The following SPRED1 variants were observed in gnomAD, a reference collection of about 807,000 sequenced individuals.
SPRED1 encodes the protein sprouty-related, EVH1 domain-containing protein 1.
Under a neutral mutation model 52.3 loss-of-function variants are expected in SPRED1, and 18 were observed. The ratio of observed to expected loss-of-function variants is 0.34; its 90% CI spans 0.24 to 0.51. SPRED1 has a LOEUF of 0.51. Ranked by LOEUF, SPRED1 falls within the 20% of genes least tolerant of loss-of-function variation. The pLI, the probability that SPRED1 is intolerant of heterozygous loss-of-function variation, is 0.97. For synonymous variants in SPRED1, 155 were observed against 179.7 expected (o/e 0.86, Z 1.10); for missense variants, 485 against 551.0 (o/e 0.88, Z 1.20).
intron 3 of SPRED1, among the ~76,000 whole-genome samples, chr15:38,324,014 C>G (rs1216498914): frequency 1.3e-5 from 2 of 151,608 alleles, no homozygotes; most frequent in Non-Finnish European, 3.0e-5. Flanking sequence ...CATTAGCTAG[C>G]ATTATTATCA....
chr15:38,333,106 A>G (rs949653201), intron 4 of SPRED1, among the ~76,000 whole-genome samples: 11 of 152,178 alleles, frequency 7.2e-5, no homozygotes, highest in Non-Finnish European at 1.5e-4. Flanking sequence ...GGGGGACACA[A>G]ACATTCGGAG....
chr15:38,279,244 A>G (rs1894633726), intron 1 of SPRED1, among the ~76,000 whole-genome samples: 1 of 152,168 alleles, frequency 6.6e-6, no homozygotes, highest in African/African-American at 2.4e-5. Flanking sequence ...CCATATTTGA[A>G]TGTTAGTCAG....
intron 2 of SPRED1, among the ~76,000 whole-genome samples, chr15:38,308,669 C>T (rs1595738807): frequency 6.6e-6 from 1 of 152,090 alleles, no homozygotes; most frequent in Admixed American, 6.6e-5. Context: ...TGAGTATCTC[C>T]AGAGTTTGTT....
intron 1 of SPRED1, among the ~76,000 whole-genome samples, chr15:38,283,864 G>T (rs1490799345): frequency 6.6e-6 from 1 of 152,134 alleles, no homozygotes; most frequent in East Asian, 1.9e-4. Flanking sequence ...GGTAGATAGA[G>T]CTGCCTTACT....
chr15:38,275,740 C>T (rs1299914943), intron 1 of SPRED1, among the ~76,000 whole-genome samples: 1 of 152,200 alleles, frequency 6.6e-6, no homozygotes. Flanking sequence ...TCGTGATCCA[C>T]CCACCCCGGC....
chr15:38,298,217 G>A (rs916446812), intron 1 of SPRED1, among the ~76,000 whole-genome samples: 2 of 152,136 alleles, frequency 1.3e-5, no homozygotes, highest in African/African-American at 4.8e-5. Context: ...CCAAGTATTG[G>A]CAAGGATGTG....
chr15:38,348,656 A>G (rs12441371), intron 5 of SPRED1, among the ~76,000 whole-genome samples: 70 of 152,242 alleles, frequency 4.6e-4, no homozygotes, highest in Admixed American at 4.4e-3. Context: ...GCTCAAAATT[A>G]TCTGGAAAAA....
At chr15:38,312,178 T>C (rs1895382242) in intron 2 of SPRED1, among the ~76,000 whole-genome samples, 1 of 152,182 alleles carries the variant, frequency 6.6e-6, no homozygotes, top group African/African-American at 2.4e-5. Flanking sequence ...AAATGGTTTC[T>C]GTGTTATAAT....
intron 2 of SPRED1, among the ~76,000 whole-genome samples, chr15:38,305,637 G>A (rs1232853931): frequency 1.3e-5 from 2 of 151,004 alleles, no homozygotes; most frequent in African/African-American, 4.9e-5. Context: ...AATGTATATA[G>A]ACACAGTGAC....
At chr15:38,326,699 A>G (rs1359655947) in intron 4 of SPRED1, among the ~76,000 whole-genome samples, 1 of 152,198 alleles carries the variant, frequency 6.6e-6, no homozygotes, top group Admixed American at 6.5e-5. Context: ...AAGTTTTTCA[A>G]AGCATTATAT....
chr15:38,337,871 T>C (rs2141006231), intron 4 of SPRED1, among the ~76,000 whole-genome samples: 1 of 151,914 alleles, frequency 6.6e-6, no homozygotes, highest in Admixed American at 6.6e-5. Flanking sequence ...TAGTTTTCAG[T>C]CTCCTGAGTA....
intron 1 of SPRED1, among the ~76,000 whole-genome samples, chr15:38,290,258 A>G (rs879545074): frequency 2.6e-5 from 4 of 152,168 alleles, no homozygotes; most frequent in African/African-American, 4.8e-5. Flanking sequence ...AAATCATAGT[A>G]TCAATGCTAG....
At chr15:38,304,060 A>C (rs1202911570) in intron 2 of SPRED1, among the ~76,000 whole-genome samples, 1 of 152,238 alleles carries the variant, frequency 6.6e-6, no homozygotes, top group East Asian at 1.9e-4. Context: ...CATGTTTTAA[A>C]AATAAGGTTT....
At position 38,299,459 on chromosome 15, in the gene SPRED1, G is replaced by A. The variant is rs781390048; in HGVS notation, c.119G>A (p.Ser40Asn). 6.2e-7 allele frequency: 1 copy of A among 1,613,902 alleles called. No homozygotes were observed. Among genetic ancestry groups the A allele is most frequent in the African/African-American group, 1.3e-5 (1 of 74,916 alleles). The change falls in exon 2 of 7, where the codon AGC becomes AAC. Residue 40 changes from serine to asparagine, a missense_variant. By Grantham distance (46) the Ser-to-Asn change is conservative (BLOSUM62 1). Around this residue, in one of 5 missense-constraint regions of SPRED1, gnomAD observed 11 missense variants for 31.5 expected, o/e 0.35. Coordinates refer to ENST00000299084, the MANE Select transcript of SPRED1 (RefSeq NM_152594.3). ...TTACCACTTGGAGGGAGTGGACTAA[G>A]CAGCGTCACTGTCTTCAAAGTCCCT... ...GWLPLGGSGLSSVTVFKVPHQ... is the reference protein window; with the variant it reads ...GWLPLGGSGLNSVTVFKVPHQ...
Position 38,351,832 on chromosome 15 carries a change from T to C in SPRED1, c.*168T>C, listed in dbSNP as rs192826011. On this transcript the variant is annotated 3_prime_UTR_variant, in exon 7 of 7. Transcript: ENST00000299084. ...CTTGGCGTTTCACGCCATGCCTAAC[T>C]TTTCCCTTGAGTGCATGGCATGTTT... The C allele has an allele frequency of 2.4e-6, 2 of 818,638 alleles. No individual in the cohort carries two copies. The highest frequency in any genetic ancestry group is 2.7e-5 in the East Asian group (1 of 37,642). 50.7% of individuals were successfully genotyped at this position (818,638 alleles called of 1,614,324 possible).
chr15:38,278,641 T>C (rs950270591), intron 1 of SPRED1, among the ~76,000 whole-genome samples: 8 of 152,150 alleles, frequency 5.3e-5, no homozygotes, highest in East Asian at 1.9e-4. Context: ...TAAAATGATA[T>C]AGTATTTGCG....
intron 4 of SPRED1, among the ~76,000 whole-genome samples, chr15:38,333,964 C>G (rs1008689079): frequency 6.6e-6 from 1 of 151,956 alleles, no homozygotes; most frequent in African/African-American, 2.4e-5. Context: ...TCTCTTCATA[C>G]GGAGTAGGTT....
At chr15:38,327,178 T>C (rs1316030810) in intron 4 of SPRED1, among the ~76,000 whole-genome samples, 1 of 152,190 alleles carries the variant, frequency 6.6e-6, no homozygotes, top group African/African-American at 2.4e-5. Context: ...TGCACCTGTT[T>C]AGAAGACAAC....
intron 1 of SPRED1, among the ~76,000 whole-genome samples, chr15:38,261,937 A>G (rs1333982022): frequency 6.7e-6 from 1 of 150,122 alleles, no homozygotes; most frequent in Non-Finnish European, 1.5e-5. Context: ...ACTTTTTCAA[A>G]GTTACTGTAA....
Sources: gnomAD v4.1 joint callset for allele counts (sites outside exome capture counted in the v4.1 genomes callset) on GRCh38, gnomAD v4.1.1 for gene constraint, gnomAD v4.1.1 regional missense constraint, MANE v1.5 for transcripts, NCBI Gene and HGNC (gene_info 2026-07-23, HGNC 2026-07-21) for gene names.